Variants in NGEF observed in about 807,000 individuals in gnomAD.
NGEF encodes ephexin-1.
NGEF carries 31 observed loss-of-function variants against 80.9 expected under a neutral mutation model. The observed-to-expected ratio is 0.38, with a 90% CI of 0.29 to 0.52. The LOEUF is 0.52. Among genes scored for constraint, NGEF ranks in the 20% least tolerant of loss-of-function variants. The probability of loss-of-function intolerance (pLI) is 0.84; values close to 1 mark genes in which losing one functional copy is unlikely to be tolerated. For missense variants in NGEF, 709 were observed against 926.2 expected (o/e 0.77, Z 3.04); for synonymous variants, 371 against 370.2 (o/e 1.00, Z -0.03).
rs146024288 is a variant in NGEF at position 232,914,909 on chromosome 2, C to T, written c.828+5375G>A. ...GTGCACGCCTGTAATCCCAGCTACT[C>T]GGGAGGCTGAGGCCGAAGAATCGCT... On this transcript the variant is annotated intron_variant, in intron 5 of 14. Coordinates refer to ENST00000264051, the MANE Select transcript of NGEF (RefSeq NM_019850.3). Among the ~76,000 whole-genome samples the T allele has an allele frequency of 9.9e-4, 146 of 147,306 alleles. 6 individuals carry two copies. The East Asian group carries it at 0.019, about 19-fold the overall frequency.
intron 3 of NGEF, among the ~76,000 whole-genome samples, chr2:232,969,886 GT>G (rs769442489): frequency 1.3e-5 from 2 of 151,634 alleles, no homozygotes; most frequent in African/African-American, 4.8e-5. Context: ...AGTAACAATA[GT>G]TTTTTTGTTA....
At chr2:233,007,708 A>T (rs1332676109) in intron 1 of NGEF, among the ~76,000 whole-genome samples, 1 of 152,236 alleles carries the variant, frequency 6.6e-6, no homozygotes, top group Non-Finnish European at 1.5e-5. Flanking sequence ...TTGAGCATCC[A>T]AACGACTTCA....
At chr2:232,894,577 G>A (rs1346593043) in intron 6 of NGEF, 179 bp downstream of exon 6, 2 of 613,822 alleles carry the variant, frequency 3.3e-6, no homozygotes, top group Non-Finnish European at 2.5e-6. Context: ...TGGCCACCCT[G>A]CCAGAAGGGG....
At chr2:232,924,453 A>G (rs561889514) in intron 4 of NGEF, among the ~76,000 whole-genome samples, 33 of 152,204 alleles carry the variant, frequency 2.2e-4, no homozygotes, top group Admixed American at 9.2e-4. Context: ...GCCATCTAGT[A>G]TATGGTATCT....
chr2:232,976,971 C>A (rs1201488800), intron 1 of NGEF, among the ~76,000 whole-genome samples: 1 of 152,172 alleles, frequency 6.6e-6, no homozygotes, highest in African/African-American at 2.4e-5. Context: ...TGGGAGGACA[C>A]ACTTAGGATG....
At chr2:232,996,082 G>C (rs1472857619) in intron 1 of NGEF, among the ~76,000 whole-genome samples, 1 of 151,972 alleles carries the variant, frequency 6.6e-6, no homozygotes, top group African/African-American at 2.4e-5. Flanking sequence ...AAGGAGAAAT[G>C]TGTCAGTGAC....
intron 3 of NGEF, among the ~76,000 whole-genome samples, chr2:232,944,096 G>A (rs759618266): frequency 6.6e-6 from 1 of 151,886 alleles, no homozygotes; most frequent in Non-Finnish European, 1.5e-5. Context: ...AGCCAGGCAT[G>A]GTGGTCACAC....
chr2:232,998,120 C>T (rs890539587), intron 1 of NGEF, among the ~76,000 whole-genome samples: 6 of 151,906 alleles, frequency 3.9e-5, no homozygotes, highest in African/African-American at 9.7e-5. Flanking sequence ...CCCTGGGCAG[C>T]GATGCTCTTC....
chr2:232,881,164 G>C lies in NGEF; in HGVS notation c.1924C>G (p.Leu642Val). The C allele has an allele frequency of 6.2e-7, 1 of 1,612,466 alleles. No individual in the cohort carries two copies. Among genetic ancestry groups the C allele is most frequent in the Non-Finnish European group, 8.5e-7 (1 of 1,179,976 alleles). Residue 642 changes from leucine (L) to valine (V), a missense_variant, in exon 14 of 15, where the codon CTG (leucine) becomes GTG (valine). By Grantham distance (32) the Leu-to-Val change is conservative (BLOSUM62 1). Transcript: ENST00000264051. ...TLELADILNI[L>V]DKTDDGWIFG... ...GCCTCACCGTCGTCAGTCTTGTCCA[G>C]GATGTTGAGGATGTCGGCGAGCTCC...
rs1692944297 is a variant in NGEF at position 232,921,569 on chromosome 2, A to G, written c.527-984T>C. On this transcript the variant is annotated intron_variant, in intron 4 of 14. Transcript: ENST00000264051. ...TGGGCTCCAGTGATTCCCCTGCCTC[A>G]GCTTCCTGAGTGGCTAGGACTACAG... is the stretch of plus-strand genomic sequence containing the variant. Among the ~76,000 whole-genome samples the G allele has an allele frequency of 4.0e-5, 6 of 151,792 alleles. No individual in the cohort carries two copies. The South Asian group carries it at 1.3e-3, about 32-fold the overall frequency.
At position 232,901,828 on chromosome 2, in the gene NGEF, G is replaced by A. The variant is rs946801680; in HGVS notation, c.829-6912C>T. ...CCAAGGGTCTAAGGCGTCCTTCCGG[G>A]ACTCCCTTAGAGGCTGTGGGGACGT... On this transcript the variant is annotated intron_variant, in intron 5 of 14. Coordinates refer to ENST00000264051, the MANE Select transcript of NGEF (RefSeq NM_019850.3). 4.6e-5 allele frequency among the ~76,000 whole-genome samples: 7 copies of A among 152,352 alleles called. No homozygotes were observed. In the South Asian group the frequency reaches 8.3e-4, roughly 18 times the overall value.
intron 4 of NGEF, among the ~76,000 whole-genome samples, chr2:232,922,464 G>A (rs148067370): frequency 2.6e-5 from 4 of 152,182 alleles, no homozygotes; most frequent in African/African-American, 4.8e-5. Flanking sequence ...CAACCCAGCC[G>A]GATACAACAT....
chr2:232,906,954 G>A (rs1178088394), intron 5 of NGEF, among the ~76,000 whole-genome samples: 4 of 150,892 alleles, frequency 2.7e-5, no homozygotes, highest in Non-Finnish European at 1.5e-5. Context: ...GGTGCAAGAT[G>A]TGCTTTGTTA....
At chr2:232,979,840 C>T (rs1279973827) in intron 1 of NGEF, among the ~76,000 whole-genome samples, 1 of 151,998 alleles carries the variant, frequency 6.6e-6, no homozygotes, top group Non-Finnish European at 1.5e-5. Context: ...CACACAACAA[C>T]ACTCTGTAAA....
chr2:232,884,159 G>A lies in NGEF; in HGVS notation c.1438-15C>T. ...ATGGGCACCGACTGCAGCGGGGAAA[G>A]GGCATCAGGCAGGCTGTGCCCACAA... On this transcript the variant is annotated splice_polypyrimidine_tract_variant and intron_variant, in intron 10 of 14. Transcript: ENST00000264051. 2 of 1,578,774 alleles carry A rather than the reference G, an allele frequency of 1.3e-6. No individual in the cohort carries two copies. Among genetic ancestry groups the A allele is most frequent in the Non-Finnish European group, 1.7e-6 (2 of 1,166,988 alleles).
chr2:232,970,673 G>A (rs956327962), intron 2 of NGEF, among the ~76,000 whole-genome samples: 21 of 152,022 alleles, frequency 1.4e-4, no homozygotes, highest in Non-Finnish European at 2.6e-4. Context: ...AAATTAGCCG[G>A]GTGTGGTAGC....
chr2:232,914,602 C>T (rs1438902947), intron 5 of NGEF, among the ~76,000 whole-genome samples: 1 of 152,128 alleles, frequency 6.6e-6, no homozygotes, highest in Non-Finnish European at 1.5e-5. Flanking sequence ...ACTTGGGAGG[C>T]TGAGGCACGA....
chr2:232,918,642 T>TG (rs1692864169), intron 5 of NGEF, among the ~76,000 whole-genome samples: 1 of 150,472 alleles, frequency 6.6e-6, no homozygotes, highest in Admixed American at 6.6e-5. Context: ...TTTTTTTTTT[T>TG]TTTTTTTTTT....
intron 3 of NGEF, among the ~76,000 whole-genome samples, chr2:232,959,626 C>T (rs954965438): frequency 6.8e-6 from 1 of 147,794 alleles, no homozygotes; most frequent in Non-Finnish European, 1.5e-5. Context: ...TTTGCCCTGG[C>T]TGGAGTGCAA....
Sources: gnomAD v4.1 joint callset for allele counts (sites outside exome capture counted in the v4.1 genomes callset) on GRCh38, gnomAD v4.1.1 for gene constraint, MANE v1.5 for transcripts, NCBI Gene and HGNC (gene_info 2026-07-23, HGNC 2026-07-21) for gene names.